Variants in PTPRD observed in about 807,000 individuals in gnomAD.
PTPRD encodes the protein receptor-type tyrosine-protein phosphatase delta.
A neutral mutation model predicts 214.5 loss-of-function variants in PTPRD; 34 were observed. That is an observed-to-expected ratio of 0.16 (90% CI 0.12 to 0.21). PTPRD has a LOEUF of 0.21. Ranked by LOEUF, PTPRD falls within the 10% of genes least tolerant of loss-of-function variation. The pLI, the probability that PTPRD is intolerant of heterozygous loss-of-function variation, is 1.00. For missense variants in PTPRD, 2,545 were observed against 2,398.7 expected, an observed-to-expected ratio of 1.06 and a Z score of -1.27; for synonymous variants, 1,128 against 845.7, an observed-to-expected ratio of 1.33 and a Z score of -5.79.
intron 10 of PTPRD, among the ~76,000 whole-genome samples, chr9:9,134,777 A>G (rs2099848304): frequency 6.6e-6 from 1 of 151,998 alleles, no homozygotes; most frequent in Non-Finnish European, 1.5e-5. Context: ...AAGAGACTGT[A>G]TCATCCTTGA....
chr9:9,232,504 A>C lies in PTPRD; in HGVS notation c.-202-49141T>G, dbSNP rs893991605. On this transcript the variant is annotated intron_variant, in intron 9 of 45. Transcript: ENST00000381196. Reference sequence around the variant, plus strand: ...GTACACGATTCCATCAATTGTTAAAAGATCATTGCATGGTAAAATATAAAC... The same window carrying C: ...GTACACGATTCCATCAATTGTTAAACGATCATTGCATGGTAAAATATAAAC... Among the ~76,000 whole-genome samples the C allele has an allele frequency of 2.0e-5, 3 of 152,180 alleles. 1 individual carries two copies. Among genetic ancestry groups the C allele is most frequent in the Non-Finnish European group, 4.4e-5 (3 of 68,036 alleles).
chr9:8,570,665 G>A (rs549053503), intron 14 of PTPRD, among the ~76,000 whole-genome samples: 1 of 152,024 alleles, frequency 6.6e-6, no homozygotes, highest in African/African-American at 2.4e-5. Context: ...TACAGTCTCA[G>A]AGTTCTTTTC....
At chr9:9,607,270 G>C in intron 7 of PTPRD, among the ~76,000 whole-genome samples, 1 of 152,180 alleles carries the variant, frequency 6.6e-6, no homozygotes, top group East Asian at 1.9e-4. Context: ...GGGATTACTG[G>C]CCATTTCTGT....
chr9:10,418,854 C>T (rs112416215), intron 2 of PTPRD, among the ~76,000 whole-genome samples: 2 of 151,822 alleles, frequency 1.3e-5, no homozygotes, highest in African/African-American at 4.8e-5. Flanking sequence ...GATTCCTAAG[C>T]CCTCCTAGAA....
chr9:10,088,258 A>C (rs2098381481), intron 3 of PTPRD, among the ~76,000 whole-genome samples: 1 of 151,770 alleles, frequency 6.6e-6, no homozygotes, highest in Non-Finnish European at 1.5e-5. Context: ...ACCAGTAGGA[A>C]ATTTCTTCTT....
At chr9:10,239,049 T>G (rs2099638278) in intron 3 of PTPRD, among the ~76,000 whole-genome samples, 1 of 151,964 alleles carries the variant, frequency 6.6e-6, no homozygotes, top group African/African-American at 2.4e-5. Flanking sequence ...AGAATCTGTT[T>G]GGAGTAATCT....
intron 2 of PTPRD, among the ~76,000 whole-genome samples, chr9:10,523,280 A>G (rs2052992227): frequency 6.6e-6 from 1 of 152,114 alleles, no homozygotes. Flanking sequence ...TTACCACTAC[A>G]TAGTACCACG....
At chr9:10,568,505 T>C (rs2066396002) in intron 2 of PTPRD, among the ~76,000 whole-genome samples, 1 of 152,108 alleles carries the variant, frequency 6.6e-6, no homozygotes, top group South Asian at 2.1e-4. Context: ...CTGGGTCAAA[T>C]GGTATTTCTA....
chr9:8,444,512 T>C (rs2095653691), intron 34 of PTPRD, among the ~76,000 whole-genome samples: 1 of 152,024 alleles, frequency 6.6e-6, no homozygotes, highest in African/African-American at 2.4e-5. Flanking sequence ...ACAAAATATT[T>C]TAATTTTAAT....
intron 5 of PTPRD, among the ~76,000 whole-genome samples, chr9:9,884,788 C>A (rs1211196285): frequency 6.6e-6 from 1 of 152,118 alleles, no homozygotes; most frequent in African/African-American, 2.4e-5. Context: ...GGCTTTTCCC[C>A]ACTTGCTTGG....
At chr9:8,505,447 C>T (rs1318594784) in intron 22 of PTPRD, among the ~76,000 whole-genome samples, 1 of 151,682 alleles carries the variant, frequency 6.6e-6, no homozygotes, top group African/African-American at 2.4e-5. Context: ...ATGGTGAAAT[C>T]CCATCTCTCC....
At chr9:10,478,288 TA>T (rs2099075963) in intron 2 of PTPRD, among the ~76,000 whole-genome samples, 1 of 152,236 alleles carries the variant, frequency 6.6e-6, no homozygotes, top group African/African-American at 2.4e-5. Context: ...ATTTTTCACT[TA>T]CATATTACCC....
chr9:9,812,283 G>A (rs1327531613), intron 5 of PTPRD, among the ~76,000 whole-genome samples: 1 of 152,004 alleles, frequency 6.6e-6, no homozygotes, highest in Non-Finnish European at 1.5e-5. Context: ...AACTGAACCT[G>A]TAATACCTCA....
chr9:8,564,743 T>C (rs759852973), intron 14 of PTPRD, among the ~76,000 whole-genome samples: 6 of 152,126 alleles, frequency 3.9e-5, no homozygotes, highest in Non-Finnish European at 5.9e-5. Context: ...TCATGTTACA[T>C]TGATCTTGAT....
intron 12 of PTPRD, among the ~76,000 whole-genome samples, chr9:8,685,189 G>A (rs2097653028): frequency 6.6e-6 from 1 of 150,722 alleles, no homozygotes; most frequent in Admixed American, 6.6e-5. Context: ...AAAGGCAAAA[G>A]ATGAAAGGAA....
chr9:9,130,915 T>C lies in PTPRD; in HGVS notation c.-143+52389A>G, dbSNP rs553065445. Among the ~76,000 whole-genome samples, 3 of 152,334 alleles carry C rather than the reference T, an allele frequency of 2.0e-5. No individual in the cohort carries two copies. The East Asian group carries it at 5.8e-4, about 29-fold the overall frequency. On this transcript the variant is annotated intron_variant, in intron 10 of 45. Transcript: ENST00000381196. ...TCCATTTAAAAGCCGTTGTTTTTAA[T>C]GGATCCTATGACGAACCCTTTAGTA...
chr9:9,997,963 G>A lies in PTPRD; in HGVS notation c.-472+35755C>T, dbSNP rs530699434. ...CACAGGCTACATGAATGACACACCT[G>A]GTGATACCAATCGCCTGGGCCATAT... On this transcript the variant is annotated intron_variant, in intron 4 of 45. Coordinates refer to ENST00000381196, the MANE Select transcript of PTPRD (RefSeq NM_002839.4). Among the ~76,000 whole-genome samples, 21 of 151,730 alleles carry A rather than the reference G, an allele frequency of 1.4e-4. 1 individual carries two copies. The South Asian group carries it at 4.4e-3, about 32-fold the overall frequency.
At chr9:9,094,559 A>G (rs1422505401) in intron 10 of PTPRD, among the ~76,000 whole-genome samples, 1 of 152,146 alleles carries the variant, frequency 6.6e-6, no homozygotes, top group African/African-American at 2.4e-5. Flanking sequence ...CAAACACTAC[A>G]TAGTGGGTAC....
intron 2 of PTPRD, among the ~76,000 whole-genome samples, chr9:10,435,623 A>C (rs2098712112): frequency 6.6e-6 from 1 of 151,924 alleles, no homozygotes; most frequent in African/African-American, 2.4e-5. Flanking sequence ...CATTCCAAAT[A>C]ATATTTGAAG....
Sources: allele counts gnomAD v4.1 joint callset (sites outside exome capture counted in the v4.1 genomes callset), GRCh38; gene constraint gnomAD v4.1.1; transcripts MANE v1.5; gene names NCBI Gene and HGNC (gene_info 2026-07-23, HGNC 2026-07-21).